CDH8: variants seen among roughly 807,000 people sequenced by gnomAD.
CDH8 encodes cadherin-8.
Under a neutral mutation model 68.1 loss-of-function variants are expected in CDH8, and 17 were observed. That is an observed-to-expected ratio of 0.25 (90% confidence interval 0.17 to 0.37). The LOEUF (loss-of-function observed/expected upper bound fraction) is 0.37, where lower values mean the gene tolerates loss of function less well. Among genes scored for constraint, CDH8 ranks in the 10% least tolerant of loss-of-function variants. CDH8 has a pLI of 1.00. For synonymous variants in CDH8, 372 were observed against 365.1 expected, an observed-to-expected ratio of 1.02 and a Z score of -0.21; for missense variants, 763 against 999.3, an observed-to-expected ratio of 0.76 and a Z score of 3.19.
At chr16:61,750,362 A>G (rs528607553) in intron 8 of CDH8, among the ~76,000 whole-genome samples, 1 of 152,188 alleles carries the variant, frequency 6.6e-6, no homozygotes, top group African/African-American at 2.4e-5. Flanking sequence ...GAAATGGTGG[A>G]TGTGGGGTAG....
At chr16:62,022,476 T>C (rs946999228) in intron 1 of CDH8, among the ~76,000 whole-genome samples, 1 of 151,990 alleles carries the variant, frequency 6.6e-6, no homozygotes, top group Non-Finnish European at 1.5e-5. Context: ...CACAAAAAAA[T>C]CCCCATTACC....
chr16:61,704,757 C>T lies in CDH8; in HGVS notation c.1654+9084G>A, dbSNP rs545329752. Among the ~76,000 whole-genome samples, 21 of 152,274 alleles carry T rather than the reference C, an allele frequency of 1.4e-4. 1 individual carries two copies. The South Asian group carries it at 3.9e-3, about 29-fold the overall frequency. On this transcript the variant is annotated intron_variant, in intron 10 of 11. Coordinates refer to ENST00000577390, the MANE Select transcript of CDH8 (RefSeq NM_001796.5). ...TCTGATTTTAACGTTTGTGATATGT[C>T]TTCTAACACCACATGTTTGAACACT... is the stretch of plus-strand genomic sequence containing the variant.
intron 2 of CDH8, among the ~76,000 whole-genome samples, chr16:61,944,396 C>T (rs1212295241): frequency 6.6e-6 from 1 of 152,156 alleles, no homozygotes; most frequent in African/African-American, 2.4e-5. Flanking sequence ...TAAGGGTTCT[C>T]AGTTGTTCCC....
chr16:61,816,119 T>C (rs2142999855), intron 7 of CDH8, among the ~76,000 whole-genome samples: 1 of 152,226 alleles, frequency 6.6e-6, no homozygotes, highest in Admixed American at 6.5e-5. Context: ...CCCCAGGTAG[T>C]TTCATCTTCT....
intron 2 of CDH8, among the ~76,000 whole-genome samples, chr16:61,996,598 TC>T (rs1418707263): frequency 1.3e-5 from 2 of 152,144 alleles, no homozygotes; most frequent in Non-Finnish European, 2.9e-5. Flanking sequence ...GATAAGATGG[TC>T]ACCAAGAAAA....
At chr16:61,904,314 T>C (rs954920091) in intron 2 of CDH8, among the ~76,000 whole-genome samples, 1 of 152,172 alleles carries the variant, frequency 6.6e-6, no homozygotes, top group East Asian at 1.9e-4. Flanking sequence ...GTGTGTCATA[T>C]CATATTCACT....
chr16:61,926,192 T>C (rs1964454419), intron 2 of CDH8, among the ~76,000 whole-genome samples: 2 of 151,500 alleles, frequency 1.3e-5, no homozygotes, highest in African/African-American at 4.9e-5. Context: ...TGTGTGTGTG[T>C]ATACATTTAC....
intron 10 of CDH8, among the ~76,000 whole-genome samples, chr16:61,671,021 T>C (rs941060168): frequency 6.6e-6 from 1 of 152,094 alleles, no homozygotes; most frequent in Non-Finnish European, 1.5e-5. Context: ...AAGGGGGAAC[T>C]ATTGCATCTG....
intron 3 of CDH8, among the ~76,000 whole-genome samples, chr16:61,884,717 T>G (rs1257252119): frequency 6.6e-6 from 1 of 152,126 alleles, no homozygotes; most frequent in Non-Finnish European, 1.5e-5. Context: ...TTAGCTTACT[T>G]TATTGTAAGA....
At chr16:61,913,850 T>G (rs1964197470) in intron 2 of CDH8, among the ~76,000 whole-genome samples, 1 of 152,138 alleles carries the variant, frequency 6.6e-6, no homozygotes, top group South Asian at 2.1e-4. Context: ...TTGTTCCATT[T>G]CTAATCAAAA....
intron 2 of CDH8, among the ~76,000 whole-genome samples, chr16:61,985,635 G>T (rs1965612176): frequency 6.6e-6 from 1 of 152,142 alleles, no homozygotes; most frequent in South Asian, 2.1e-4. Context: ...TGGGATTACA[G>T]GCACCTGCCA....
At chr16:61,917,567 G>C (rs1964263471) in intron 2 of CDH8, among the ~76,000 whole-genome samples, 1 of 152,116 alleles carries the variant, frequency 6.6e-6, no homozygotes, top group African/African-American at 2.4e-5. Context: ...CTGAGCCTTG[G>C]AGATAGGCTC....
intron 2 of CDH8, among the ~76,000 whole-genome samples, chr16:61,992,127 C>CTT (rs5817331): frequency 6.7e-6 from 1 of 150,314 alleles, no homozygotes; most frequent in Non-Finnish European, 1.5e-5. Flanking sequence ...GAAATGTACT[C>CTT]TTTTTTGGGC....
intron 2 of CDH8, among the ~76,000 whole-genome samples, chr16:61,922,413 C>T (rs1294337059): frequency 1.3e-5 from 2 of 152,028 alleles, no homozygotes; most frequent in East Asian, 1.9e-4. Context: ...AAACACTCCA[C>T]CCAGAGGCAA....
intron 3 of CDH8, among the ~76,000 whole-genome samples, chr16:61,889,555 A>G (rs1486480908): frequency 1.3e-5 from 2 of 152,194 alleles, no homozygotes; most frequent in African/African-American, 4.8e-5. Context: ...AGAATTTCAC[A>G]AATATGTGTT....
chr16:62,026,412 T>G (rs1167121591), intron 1 of CDH8, among the ~76,000 whole-genome samples: 1 of 152,180 alleles, frequency 6.6e-6, no homozygotes, highest in African/African-American at 2.4e-5. Flanking sequence ...AACCACACTT[T>G]GCGAAGCAAG....
At chr16:62,035,402 G>T (rs1902432074) in intron 1 of CDH8, among the ~76,000 whole-genome samples, 1 of 152,188 alleles carries the variant, frequency 6.6e-6, no homozygotes, top group Non-Finnish European at 1.5e-5. Flanking sequence ...TCCTGCAGGG[G>T]TGCTGGGCAG....
chr16:62,024,163 C>T (rs992777443), intron 1 of CDH8, among the ~76,000 whole-genome samples: 4 of 152,054 alleles, frequency 2.6e-5, no homozygotes, highest in Admixed American at 2.0e-4. Context: ...AATAGCAGAA[C>T]AATGAGATGG....
chr16:61,819,404 C>T (rs974743055), intron 6 of CDH8, among the ~76,000 whole-genome samples: 1 of 151,836 alleles, frequency 6.6e-6, no homozygotes, highest in Non-Finnish European at 1.5e-5. Flanking sequence ...GGAATAATAA[C>T]AATAAAAATG....
Sources: allele counts gnomAD v4.1 joint callset (sites outside exome capture counted in the v4.1 genomes callset), GRCh38; gene constraint gnomAD v4.1.1; transcripts MANE v1.5; gene names NCBI Gene and HGNC (gene_info 2026-07-23, HGNC 2026-07-21).